Variants in DNM3 observed in about 807,000 individuals in gnomAD.
The protein encoded by DNM3 is dynamin-3.
A neutral mutation model predicts 101.6 loss-of-function variants in DNM3; 47 were observed. That is an observed-to-expected ratio of 0.46 (90% CI 0.37 to 0.59). The LOEUF is 0.59. Among genes scored for constraint, DNM3 ranks in the 20% least tolerant of loss-of-function variants. The pLI, the probability that DNM3 is intolerant of heterozygous loss-of-function variation, is 0.00. For missense variants in DNM3, 849 were observed against 1,085.7 expected (o/e 0.78, Z 3.06); for synonymous variants, 385 against 387.9 (o/e 0.99, Z 0.09).
At chr1:171,910,482 A>T (rs2039206617) in intron 1 of DNM3, among the ~76,000 whole-genome samples, 1 of 152,166 alleles carries the variant, frequency 6.6e-6, no homozygotes, top group South Asian at 2.1e-4. Flanking sequence ...TCAGGCATCC[A>T]CTGGGGGTCT....
chr1:171,843,554 T>C (rs1210021151), intron 1 of DNM3, among the ~76,000 whole-genome samples: 1 of 152,232 alleles, frequency 6.6e-6, no homozygotes, highest in Non-Finnish European at 1.5e-5. Flanking sequence ...ACTGTAAGTA[T>C]TTCAAATGAA....
chr1:172,011,155 T>C (rs933847144), intron 4 of DNM3, among the ~76,000 whole-genome samples: 1 of 151,930 alleles, frequency 6.6e-6, no homozygotes, highest in Non-Finnish European at 1.5e-5. Context: ...GATATCAACC[T>C]TTCTGGTGTC....
At chr1:172,318,384 C>T (rs921229051) in intron 16 of DNM3, among the ~76,000 whole-genome samples, 1 of 152,048 alleles carries the variant, frequency 6.6e-6, no homozygotes, top group Admixed American at 6.5e-5. Context: ...AAGTTCTGGC[C>T]AGGGCAATCA....
downstream of DNM3, among the ~76,000 whole-genome samples, chr1:172,416,891 A>G (rs991025992): frequency 6.6e-6 from 1 of 152,112 alleles, no homozygotes; most frequent in Non-Finnish European, 1.5e-5. Flanking sequence ...GGTACCAATA[A>G]CAAGTTCTCC....
chr1:172,116,956 A>T (rs978846052), intron 13 of DNM3, among the ~76,000 whole-genome samples: 13 of 152,150 alleles, frequency 8.5e-5, no homozygotes, highest in African/African-American at 2.9e-4. Flanking sequence ...TTGTATTCCC[A>T]TCACTTTGGG....
At position 171,886,175 on chromosome 1, in the gene DNM3, A is replaced by G. The variant is rs1443578933; in HGVS notation, c.162-35573A>G. On this transcript the variant is annotated intron_variant, in intron 1 of 20. Transcript: ENST00000627582. ...CTGAAATGTTGGTTCTTGTAAATAC[A>G]TGGTAAAGGCGTGAGATTAGAATTT... is the stretch of plus-strand genomic sequence containing the variant. Among the ~76,000 whole-genome samples the G allele has an allele frequency of 2.0e-5, 3 of 152,340 alleles. No individual in the cohort carries two copies. The East Asian group carries it at 5.8e-4, about 29-fold the overall frequency.
At chr1:171,914,964 A>C (rs976166290) in intron 1 of DNM3, among the ~76,000 whole-genome samples, 3 of 152,120 alleles carry the variant, frequency 2.0e-5, no homozygotes, top group African/African-American at 7.2e-5. Flanking sequence ...GATGACATGC[A>C]GCTGAGTGTT....
At chr1:172,380,583 C>A (rs1033044466) in intron 18 of DNM3, among the ~76,000 whole-genome samples, 10 of 151,938 alleles carry the variant, frequency 6.6e-5, no homozygotes, top group African/African-American at 2.2e-4. Flanking sequence ...TCTGTGTAAC[C>A]TAAAGCAAAT....
chr1:171,954,012 TG>T (rs1320978618), intron 2 of DNM3, among the ~76,000 whole-genome samples: 4 of 152,174 alleles, frequency 2.6e-5, no homozygotes, highest in South Asian at 2.1e-4. Context: ...ATGCAATCCC[TG>T]TGGGCTCAAC....
chr1:172,177,337 A>C (rs945970815), intron 14 of DNM3, among the ~76,000 whole-genome samples: 1 of 151,734 alleles, frequency 6.6e-6, no homozygotes, highest in African/African-American at 2.4e-5. Context: ...TTTATTATTA[A>C]TTATTGTTAT....
At chr1:171,855,507 T>C (rs2033507466) in intron 1 of DNM3, among the ~76,000 whole-genome samples, 1 of 152,260 alleles carries the variant, frequency 6.6e-6, no homozygotes, top group Non-Finnish European at 1.5e-5. Flanking sequence ...AGTGTATAAG[T>C]GTTACCATTT....
intron 2 of DNM3, among the ~76,000 whole-genome samples, chr1:171,927,146 A>C (rs1355611513): frequency 1.3e-5 from 2 of 152,184 alleles, no homozygotes. Flanking sequence ...GTATAGAAAA[A>C]CTTAAAGAGT....
At chr1:172,344,580 A>G (rs1329278917) in intron 17 of DNM3, among the ~76,000 whole-genome samples, 3 of 152,216 alleles carry the variant, frequency 2.0e-5, no homozygotes, top group Middle Eastern at 3.2e-3. Flanking sequence ...CCCAGTGGCT[A>G]TAAGAAGCCT....
At chr1:172,136,499 TATTTTCAC>T (rs1292768660) in intron 14 of DNM3, 5 of 152,182 alleles carry the variant, frequency 3.3e-5, no homozygotes, top group Non-Finnish European at 7.4e-5. Flanking sequence ...AAAACTTAGA[TATTTTCAC>T]AAAAGTCCCA....
chr1:171,970,340 T>C (rs2043900048), intron 2 of DNM3: 1 of 160,544 alleles, frequency 6.2e-6, no homozygotes, highest in Non-Finnish European at 1.3e-5. Flanking sequence ...ATTATCATGA[T>C]CATTATTATT....
At chr1:171,848,359 A>G (rs970687523) in intron 1 of DNM3, among the ~76,000 whole-genome samples, 9 of 152,096 alleles carry the variant, frequency 5.9e-5, no homozygotes, top group Non-Finnish European at 1.0e-4. Context: ...AATTTTTCTC[A>G]GACTTAGGCA....
At chr1:171,931,608 T>C (rs1302653822) in intron 2 of DNM3, among the ~76,000 whole-genome samples, 2 of 152,220 alleles carry the variant, frequency 1.3e-5, no homozygotes, top group Non-Finnish European at 2.9e-5. Flanking sequence ...TTACTTTATC[T>C]GAAATTTGTT....
intron 14 of DNM3, among the ~76,000 whole-genome samples, chr1:172,233,304 T>G (rs1194873984): frequency 6.6e-6 from 1 of 152,170 alleles, no homozygotes; most frequent in African/African-American, 2.4e-5. Context: ...AATGGATAAA[T>G]TCCTGGACAC....
chr1:172,087,050 T>G (rs2147781472), intron 12 of DNM3, among the ~76,000 whole-genome samples: 1 of 152,288 alleles, frequency 6.6e-6, no homozygotes. Context: ...TTCGGCCCAC[T>G]GCAATCTAGT....
Sources: gnomAD v4.1 joint callset for allele counts (sites outside exome capture counted in the v4.1 genomes callset) on GRCh38, gnomAD v4.1.1 for gene constraint, MANE v1.5 for transcripts, NCBI Gene and HGNC (gene_info 2026-07-23, HGNC 2026-07-21) for gene names.